GPD2: variants seen among roughly 807,000 people sequenced by gnomAD.
GPD2 encodes the protein glycerol-3-phosphate dehydrogenase, mitochondrial.
In GPD2, 54 loss-of-function variants were observed where a neutral mutation model predicts 82.4. That is an observed-to-expected ratio of 0.66 (90% CI 0.53 to 0.82). The LOEUF (loss-of-function observed/expected upper bound fraction) is 0.82, where lower values mean the gene tolerates loss of function less well. GPD2 is among the 40% of genes least tolerant of loss of function. The pLI, the probability that GPD2 is intolerant of heterozygous loss-of-function variation, is 0.00. For missense variants in GPD2, 748 were observed against 896.2 expected, an observed-to-expected ratio of 0.83 and a Z score of 2.11; for synonymous variants, 288 against 306.1, an observed-to-expected ratio of 0.94 and a Z score of 0.62.
chr2:156,529,241 G>C (rs1230898557), intron 6 of GPD2, among the ~76,000 whole-genome samples: 1 of 151,448 alleles, frequency 6.6e-6, no homozygotes, highest in East Asian at 1.9e-4. Context: ...GTCTTCTTTT[G>C]AGAAGTGTCT....
intron 9 of GPD2, among the ~76,000 whole-genome samples, chr2:156,564,248 C>T (rs1431054149): frequency 1.3e-5 from 2 of 152,132 alleles, no homozygotes; most frequent in South Asian, 4.1e-4. Flanking sequence ...CTGCCATCCT[C>T]CAAGGTGGTT....
chr2:156,529,957 A>G (rs552220481), intron 6 of GPD2, among the ~76,000 whole-genome samples: 1 of 151,920 alleles, frequency 6.6e-6, no homozygotes, highest in African/African-American at 2.4e-5. Context: ...TTAAAGTACT[A>G]TTTTCCAATT....
At chr2:156,485,380 T>TC (rs1372941479) in intron 2 of GPD2, among the ~76,000 whole-genome samples, 1 of 152,270 alleles carries the variant, frequency 6.6e-6, no homozygotes, top group Non-Finnish European at 1.5e-5. Flanking sequence ...ACCATGGCTT[T>TC]CTAGGGCTTG....
In GPD2 at chr2:156,557,486, A is replaced by C; in HGVS notation, c.1069A>C (p.Thr357Pro). The change falls in exon 9 of 17, where the codon ACT becomes CCT. Residue 357 changes from threonine to proline, a missense_variant. Thr to Pro is a conservative substitution (Grantham distance 38, BLOSUM62 -1). Transcript: ENST00000438166. ...QKMTIAGTTD[T>P]PTDVTHHPIP... ...GATGACGATCGCTGGCACTACTGAT[A>C]CTCCAACTGATGTTACACACCATCC... The C allele has an allele frequency of 6.3e-7, 1 of 1,597,738 alleles. No homozygotes were observed. Among genetic ancestry groups the C allele is most frequent in the Non-Finnish European group, 8.6e-7 (1 of 1,165,076 alleles).
chr2:156,546,089 C>G (rs976705940), intron 6 of GPD2, among the ~76,000 whole-genome samples: 3 of 152,220 alleles, frequency 2.0e-5, no homozygotes, highest in Non-Finnish European at 4.4e-5. Flanking sequence ...TGTGCTTCCT[C>G]TCCTATGAGT....
chr2:156,562,913 A>C (rs566946443), intron 9 of GPD2, among the ~76,000 whole-genome samples: 179 of 152,300 alleles, frequency 1.2e-3, no homozygotes, highest in African/African-American at 4.2e-3. Flanking sequence ...TAATATTGCC[A>C]AGTACTTTTA....
intron 6 of GPD2, among the ~76,000 whole-genome samples, chr2:156,548,008 T>C (rs1309459571): frequency 6.6e-6 from 1 of 152,230 alleles, no homozygotes; most frequent in Non-Finnish European, 1.5e-5. Context: ...TTGGATTTCT[T>C]GTACTACCAG....
intron 6 of GPD2, among the ~76,000 whole-genome samples, chr2:156,534,197 C>T (rs1014586175): frequency 1.3e-5 from 2 of 152,216 alleles, no homozygotes; most frequent in Admixed American, 6.5e-5. Flanking sequence ...GATCTCCTCT[C>T]TGACCATCCA....
chr2:156,418,448 G>C, the GPD2 span, among the ~76,000 whole-genome samples: 17 of 151,966 alleles, frequency 1.1e-4, no homozygotes, highest in Non-Finnish European at 2.1e-4. Flanking sequence ...TAAAAAAAAG[G>C]ACCAAAAATA....
intron 1 of GPD2, among the ~76,000 whole-genome samples, chr2:156,459,686 C>CAAAAAA (rs564494059): frequency 0.011 from 427 of 38,640 alleles, 58 homozygotes; most frequent in African/African-American, 0.038. Context: ...GACTCCGTCT[C>CAAAAAA]AAAAAAAAAA....
At chr2:156,542,879 T>C (rs553716786) in intron 6 of GPD2, among the ~76,000 whole-genome samples, 62 of 152,272 alleles carry the variant, frequency 4.1e-4, no homozygotes, top group African/African-American at 1.4e-3. Flanking sequence ...AACAATGTTC[T>C]TATTAATCTG....
chr2:156,578,820 A>G, intron 13 of GPD2, 69 bp from the exon 14 acceptor site: 1 of 898,006 alleles, frequency 1.1e-6, no homozygotes, highest in Non-Finnish European at 1.9e-6. Flanking sequence ...GAAGATCAAC[A>G]GTAAAAAAAG....
At chr2:156,562,818 A>G (rs1286004344) in intron 9 of GPD2, among the ~76,000 whole-genome samples, 3 of 152,224 alleles carry the variant, frequency 2.0e-5, no homozygotes, top group African/African-American at 4.8e-5. Flanking sequence ...CCCTTTACAT[A>G]TTACATTACT....
At chr2:156,574,225 A>C (rs1687738734) in intron 13 of GPD2, among the ~76,000 whole-genome samples, 1 of 152,100 alleles carries the variant, frequency 6.6e-6, no homozygotes, top group Non-Finnish European at 1.5e-5. Context: ...GAAAAAAAAA[A>C]ACATTGCCAA....
At chr2:156,563,776 C>A (rs1687260989) in intron 9 of GPD2, among the ~76,000 whole-genome samples, 1 of 152,136 alleles carries the variant, frequency 6.6e-6, no homozygotes, top group Non-Finnish European at 1.5e-5. Context: ...ATCTACCAGA[C>A]AAGTCTGAGA....
chr2:156,561,601 G>T (rs72905883), intron 9 of GPD2, among the ~76,000 whole-genome samples: 2,247 of 152,150 alleles, frequency 0.015, 38 homozygotes, highest in Non-Finnish European at 0.021. Flanking sequence ...ACTAGAGGAG[G>T]TTTCCTGTCT....
At chr2:156,570,681 C>G (rs1687581963) in intron 12 of GPD2, among the ~76,000 whole-genome samples, 1 of 152,150 alleles carries the variant, frequency 6.6e-6, no homozygotes, top group Non-Finnish European at 1.5e-5. Context: ...TGAACATTTA[C>G]TTGTTGATTG....
rs1687563210 is a variant in GPD2 at position 156,570,204 on chromosome 2, T to C, written c.1594T>C (p.Tyr532His). ...VGVRLVSEFPYIEAEVKYGIK... is the reference protein window; with the variant it reads ...VGVRLVSEFPHIEAEVKYGIK... ...AGTACGTCTTGTGTCAGAATTTCCA[T>C]ATATTGAAGCAGAGGTATGTGAATG... Residue 532 changes from tyrosine to histidine, a missense_variant, in exon 12 of 17, where the codon TAT becomes CAT. Transcript: ENST00000438166. The C allele has an allele frequency of 6.2e-7, 1 of 1,612,714 alleles. No individual in the cohort carries two copies. Among genetic ancestry groups the C allele is most frequent in the Admixed American group, 1.7e-5 (1 of 59,958 alleles).
At chr2:156,413,943 G>A in the GPD2 span, among the ~76,000 whole-genome samples, 1 of 152,094 alleles carries the variant, frequency 6.6e-6, no homozygotes, top group African/African-American at 2.4e-5. Flanking sequence ...TTTTTCCATG[G>A]GAGTGTGGAA....
Sources: allele counts gnomAD v4.1 joint callset (sites outside exome capture counted in the v4.1 genomes callset), GRCh38; gene constraint gnomAD v4.1.1; transcripts MANE v1.5; gene names NCBI Gene and HGNC (gene_info 2026-07-23, HGNC 2026-07-21).